The following DPP10 variants were observed in gnomAD, a reference collection of about 807,000 sequenced individuals.
The protein encoded by DPP10 is inactive dipeptidyl peptidase 10.
Under a neutral mutation model 120.9 loss-of-function variants are expected in DPP10, and 33 were observed. The observed-to-expected ratio is 0.27, with a 90% confidence interval of 0.21 to 0.37. DPP10 has a LOEUF of 0.37. DPP10 is among the 10% of genes least tolerant of loss of function. The pLI, the probability that DPP10 is intolerant of heterozygous loss-of-function variation, is 1.00. For synonymous variants in DPP10, 337 were observed against 326.1 expected, an observed-to-expected ratio of 1.03 and a Z score of -0.36; for missense variants, 816 against 942.8, an observed-to-expected ratio of 0.87 and a Z score of 1.76.
intron 21 of DPP10, among the ~76,000 whole-genome samples, chr2:115,835,626 A>T (rs1032459418): frequency 5.9e-5 from 9 of 152,308 alleles, no homozygotes; most frequent in Non-Finnish European, 1.2e-4. Flanking sequence ...TTTAGGGTGA[A>T]ATAGTCTGAG....
chr2:115,236,073 C>G (rs910837263), intron 1 of DPP10, among the ~76,000 whole-genome samples: 1 of 152,060 alleles, frequency 6.6e-6, no homozygotes, highest in Non-Finnish European at 1.5e-5. Flanking sequence ...ATACATACTC[C>G]CCCTCCAAAC....
intron 1 of DPP10, chr2:115,050,194 G>A (rs1222552259): frequency 6.6e-6 from 1 of 152,126 alleles, no homozygotes; most frequent in Admixed American, 6.6e-5. Context: ...GAGACCATTT[G>A]TTGAAGAAAT....
At chr2:115,380,107 T>C (rs1005937707) in intron 3 of DPP10, among the ~76,000 whole-genome samples, 2 of 152,216 alleles carry the variant, frequency 1.3e-5, no homozygotes, top group African/African-American at 4.8e-5. Context: ...TTGGTATCCT[T>C]GTTGACTTTC....
chr2:114,648,847 C>G (rs765745278), intron 1 of DPP10, among the ~76,000 whole-genome samples: 5 of 152,128 alleles, frequency 3.3e-5, no homozygotes, highest in Non-Finnish European at 7.3e-5. Context: ...GATAGTGAAG[C>G]CACTATCCAT....
At position 115,460,836 on chromosome 2, in the gene DPP10, A is replaced by G. The variant is rs1488954711; in HGVS notation, c.272-38674A>G. ...ACTATCAAATGAATCTGATCACAAC[A>G]TATTGCCTGGAAATATGCTATATTG... On this transcript the variant is annotated intron_variant, in intron 3 of 25. Transcript: ENST00000410059. 5.9e-5 allele frequency among the ~76,000 whole-genome samples: 9 copies of G among 152,234 alleles called. No individual in the cohort carries two copies. The South Asian group carries it at 1.7e-3, about 28-fold the overall frequency.
intron 1 of DPP10, among the ~76,000 whole-genome samples, chr2:114,686,352 A>G (rs1699365618): frequency 2.6e-5 from 4 of 151,976 alleles, no homozygotes; most frequent in Non-Finnish European, 5.9e-5. Flanking sequence ...TGACTTCTTC[A>G]AGCAGCCACA....
intron 5 of DPP10, among the ~76,000 whole-genome samples, chr2:115,607,968 A>G (rs184449810): frequency 9.6e-4 from 146 of 152,288 alleles, no homozygotes; most frequent in Admixed American, 2.6e-3. Flanking sequence ...AAGTAGTCCA[A>G]AATGGAGTAG....
chr2:114,669,850 G>A (rs1477525317), intron 1 of DPP10, among the ~76,000 whole-genome samples: 1 of 151,938 alleles, frequency 6.6e-6, no homozygotes, highest in Non-Finnish European at 1.5e-5. Context: ...GCTTTTCCTA[G>A]TCAGGGACCC....
chr2:115,085,275 T>C (rs1332254059), intron 1 of DPP10, among the ~76,000 whole-genome samples: 1 of 152,228 alleles, frequency 6.6e-6, no homozygotes, highest in Non-Finnish European at 1.5e-5. Context: ...CCCATATCTT[T>C]TTCTTCTTTC....
chr2:115,197,808 C>T (rs553830293), intron 1 of DPP10, among the ~76,000 whole-genome samples: 1 of 152,214 alleles, frequency 6.6e-6, no homozygotes, highest in South Asian at 2.1e-4. Context: ...AATAAATATG[C>T]TATGACGTTT....
At position 115,013,176 on chromosome 2, in the gene DPP10, G is replaced by T. The variant is rs187500585; in HGVS notation, c.61-296063G>T. ...TTTAGTGCTTCCTTCAGGAGCTCTTGTAAGGCAGGCCTGGTGGTGACAAAA... is the reference window on the plus strand; with the variant it reads ...TTTAGTGCTTCCTTCAGGAGCTCTTTTAAGGCAGGCCTGGTGGTGACAAAA... On this transcript the variant is annotated intron_variant, in intron 1 of 25. Transcript: ENST00000410059. 7.9e-3 allele frequency among the ~76,000 whole-genome samples: 1,205 copies of T among 152,228 alleles called. 14 individuals carry two copies. The highest frequency in any genetic ancestry group is 0.027 in the African/African-American group (1,128 of 41,536).
chr2:115,030,417 A>G (rs62164490), intron 1 of DPP10, among the ~76,000 whole-genome samples: 12,325 of 152,168 alleles, frequency 0.081, 696 homozygotes, highest in Non-Finnish European at 0.1. Context: ...AGCAGAGTTT[A>G]CTTATGGTTA....
At chr2:114,940,588 A>G (rs1436708101) in intron 1 of DPP10, among the ~76,000 whole-genome samples, 1 of 151,972 alleles carries the variant, frequency 6.6e-6, no homozygotes. Flanking sequence ...TTTTAATAAG[A>G]TTCTTGCGGG....
intron 1 of DPP10, among the ~76,000 whole-genome samples, chr2:115,294,155 T>C (rs1017354021): frequency 2.6e-5 from 4 of 152,040 alleles, no homozygotes; most frequent in African/African-American, 9.7e-5. Context: ...ATAAGCCAAA[T>C]GCCATGAGCA....
chr2:115,546,541 A>T (rs768421890), intron 5 of DPP10, among the ~76,000 whole-genome samples: 6 of 151,940 alleles, frequency 3.9e-5, no homozygotes, highest in Non-Finnish European at 8.8e-5. Flanking sequence ...ATTTATTTTC[A>T]TGCTGATAAT....
intron 1 of DPP10, among the ~76,000 whole-genome samples, chr2:114,477,367 T>C (rs1279873783): frequency 6.6e-6 from 1 of 152,126 alleles, no homozygotes; most frequent in Non-Finnish European, 1.5e-5. Context: ...CCCATTGCAG[T>C]ATATTATTGA....
rs754620661 is a variant in DPP10 at position 115,376,973 on chromosome 2, C to T, written c.271+33061C>T. Among the ~76,000 whole-genome samples, 484 of 148,042 alleles carry T rather than the reference C, an allele frequency of 3.3e-3. 2 individuals are homozygous for T. Among genetic ancestry groups the T allele is most frequent in the Non-Finnish European group, 5.5e-3 (368 of 66,804 alleles). On this transcript the variant is annotated intron_variant, in intron 3 of 25. Transcript: ENST00000410059. ...TCATTGTTGGACATTTGGGTTGGTT[C>T]CAAGTCTTTGCTATTGTGAATAATG...
intron 5 of DPP10, among the ~76,000 whole-genome samples, chr2:115,562,629 C>A (rs2080760846): frequency 6.6e-6 from 1 of 152,174 alleles, no homozygotes; most frequent in South Asian, 2.1e-4. Flanking sequence ...ACAACCTTAA[C>A]TATTTTACCT....
chr2:115,232,415 A>T (rs752388690), intron 1 of DPP10, among the ~76,000 whole-genome samples: 2 of 152,166 alleles, frequency 1.3e-5, no homozygotes, highest in Non-Finnish European at 1.5e-5. Context: ...GGATGATAAT[A>T]TGATAGGCTG....
Sources: gnomAD v4.1 joint callset for allele counts (sites outside exome capture counted in the v4.1 genomes callset) on GRCh38, gnomAD v4.1.1 for gene constraint, MANE v1.5 for transcripts, NCBI Gene and HGNC (gene_info 2026-07-23, HGNC 2026-07-21) for gene names.